The following SCN10A variants were observed in gnomAD, a reference collection of about 807,000 sequenced individuals.
The protein encoded by SCN10A is sodium voltage-gated channel alpha subunit 10.
Under a neutral mutation model 170.7 loss-of-function variants are expected in SCN10A, and 162 were observed. The ratio of observed to expected loss-of-function variants is 0.95; its 90% CI spans 0.84 to 1.08. SCN10A has a LOEUF of 1.08. Ranked by LOEUF, SCN10A falls within the 50% of genes least tolerant of loss-of-function variation. The pLI is 0.00. For synonymous variants in SCN10A, 985 were observed against 904.6 expected, an observed-to-expected ratio of 1.09 and a Z score of -1.59; for missense variants, 2,527 against 2,436.9, an observed-to-expected ratio of 1.04 and a Z score of -0.78.
At chr3:38,727,086 A>T in intron 16 of SCN10A, 34 bp from the exon 17 acceptor site, 1 of 1,574,694 alleles carries the variant, frequency 6.4e-7, no homozygotes, top group Non-Finnish European at 8.7e-7. Flanking sequence ...AGATTGATCA[A>T]TCTCTAAGCT....
intron 3 of SCN10A, among the ~76,000 whole-genome samples, chr3:38,791,526 A>G (rs1338185587): frequency 6.6e-6 from 1 of 152,180 alleles, no homozygotes; most frequent in Non-Finnish European, 1.5e-5. Context: ...ATGAGGTCCC[A>G]TTGAGACTAT....
At chr3:38,769,356 A>G (rs571374544) in intron 5 of SCN10A, among the ~76,000 whole-genome samples, 2 of 148,720 alleles carry the variant, frequency 1.3e-5, no homozygotes, top group African/African-American at 5.0e-5. Flanking sequence ...CTCCTGCCTC[A>G]GTCTCCTGAG....
chr3:38,714,009 G>T lies in SCN10A; in HGVS notation c.3753C>A (p.Thr1251=), dbSNP rs144350950. ...CCCGCAGTGGCCGCAGAGCGCGAAG[G>T]GTTCGAAGGGCTTTGATGGGAGCCA... is the stretch of plus-strand genomic sequence containing the variant. ...SEVAPIKALR[T]LRALRPLRAL... The change falls in exon 22 of 28, where the codon ACC becomes ACA. Residue 1251 remains threonine, a synonymous_variant. Transcript: ENST00000449082. 232 of 1,614,014 alleles carry T rather than the reference G, an allele frequency of 1.4e-4. No individual in the cohort carries two copies. Among genetic ancestry groups the T allele is most frequent in the Non-Finnish European group, 1.7e-4 (203 of 1,180,058 alleles).
At chr3:38,769,876 C>T (rs537379654) in intron 5 of SCN10A, among the ~76,000 whole-genome samples, 72 of 152,242 alleles carry the variant, frequency 4.7e-4, no homozygotes, top group African/African-American at 1.6e-3. Context: ...TGGGGTAGTA[C>T]TGGGAAATGC....
At chr3:38,781,160 G>T (rs2064134264) in intron 4 of SCN10A, among the ~76,000 whole-genome samples, 1 of 152,050 alleles carries the variant, frequency 6.6e-6, no homozygotes, top group Non-Finnish European at 1.5e-5. Flanking sequence ...ATCAGATTGT[G>T]ATGTGCGATA....
At chr3:38,711,000 G>A (rs1166482884) in intron 23 of SCN10A, 103 bp from the exon 24 acceptor site, 5 of 921,322 alleles carry the variant, frequency 5.4e-6, no homozygotes, top group Non-Finnish European at 6.8e-6. Context: ...GTCCTGTGTT[G>A]GAAAGGGCTT....
chr3:38,701,583 TG>T (rs1319718041), intron 27 of SCN10A, among the ~76,000 whole-genome samples: 2 of 152,214 alleles, frequency 1.3e-5, no homozygotes, highest in Non-Finnish European at 2.9e-5. Flanking sequence ...GTTCTAGCCA[TG>T]GGCTGTGCAC....
chr3:38,772,182 T>C (rs1291854773), intron 4 of SCN10A, among the ~76,000 whole-genome samples: 1 of 152,150 alleles, frequency 6.6e-6, no homozygotes, highest in African/African-American at 2.4e-5. Flanking sequence ...TATTCACTTC[T>C]GCTCCTCGTT....
At chr3:38,785,331 A>G (rs2064186292) in intron 4 of SCN10A, among the ~76,000 whole-genome samples, 2 of 152,204 alleles carry the variant, frequency 1.3e-5, no homozygotes, top group Non-Finnish European at 1.5e-5. Context: ...AACACCGCAT[A>G]TCTACAACCA....
intron 13 of SCN10A, among the ~76,000 whole-genome samples, chr3:38,748,836 TTACTC>T (rs2063719033): frequency 1.3e-5 from 2 of 152,220 alleles, no homozygotes; most frequent in Non-Finnish European, 2.9e-5. Context: ...CCTGCCTTTC[TTACTC>T]TACTCTCACA....
intron 1 of SCN10A, among the ~76,000 whole-genome samples, chr3:38,795,051 G>A (rs907069458): frequency 2.6e-5 from 4 of 151,830 alleles, no homozygotes; most frequent in African/African-American, 9.7e-5. Context: ...CTCCTTGTCT[G>A]CCAGCTCTTT....
At chr3:38,809,857 G>A (rs925252268) in intron 1 of SCN10A, among the ~76,000 whole-genome samples, 1 of 152,188 alleles carries the variant, frequency 6.6e-6, no homozygotes, top group Non-Finnish European at 1.5e-5. Context: ...TCCAACCATG[G>A]AATTTTAAGT....
rs775297492 is a variant in SCN10A, at chr3:38,794,047, T to A, written c.-32-5A>T. The stretch of plus-strand genomic sequence containing the variant: ...TCTTCAGGAAGTATTTATACTCTTA[T>A]AAGAGTGGACATAACCACAGAGAGG... On this transcript the variant is annotated splice_polypyrimidine_tract_variant and splice_region_variant and intron_variant, in intron 1 of 27. Coordinates refer to ENST00000449082, the MANE Select transcript of SCN10A (RefSeq NM_006514.4). The A allele has an allele frequency of 3.0e-5, 48 of 1,598,054 alleles. 1 individual carries two copies. The South Asian group carries it at 5.1e-4, about 17-fold the overall frequency.
At chr3:38,704,979 G>C (rs1214380801) in intron 26 of SCN10A, among the ~76,000 whole-genome samples, 1 of 152,216 alleles carries the variant, frequency 6.6e-6, no homozygotes, top group African/African-American at 2.4e-5. Context: ...TTTCTTTCTT[G>C]GTTCTAGACT....
chr3:38,748,951 C>A (rs190555109), intron 13 of SCN10A, among the ~76,000 whole-genome samples: 2 of 152,126 alleles, frequency 1.3e-5, no homozygotes, highest in African/African-American at 4.8e-5. Context: ...GTAGCATCAC[C>A]CCCCAGATAT....
chr3:38,710,984 G>A, intron 23 of SCN10A, 87 bp from the exon 24 acceptor site: 2 of 1,136,088 alleles, frequency 1.8e-6, no homozygotes, highest in East Asian at 2.5e-5. Context: ...AGTGAGAGAG[G>A]AGAGAGTCCT....
intron 4 of SCN10A, among the ~76,000 whole-genome samples, chr3:38,777,572 G>T (rs1399601588): frequency 3.9e-5 from 6 of 152,050 alleles, no homozygotes; most frequent in Admixed American, 6.6e-5. Flanking sequence ...CCACAGAGTT[G>T]TAAGAAAAGA....
At position 38,726,998 on chromosome 3, in the gene SCN10A, T is replaced by C. The variant is rs566823128; in HGVS notation, c.2695A>G (p.Thr899Ala). 6.2e-7 allele frequency: 1 copy of C among 1,614,090 alleles called. No individual in the cohort carries two copies. The highest frequency in any genetic ancestry group is 1.1e-5 in the South Asian group (1 of 91,082). The change falls in exon 17 of 28, where the codon ACA becomes GCA. Residue 899 changes from threonine (T) to alanine (A), a missense_variant. Physicochemically the swap from Thr to Ala is moderately conservative, Grantham distance 58 (BLOSUM62 0). Transcript: ENST00000449082. Reference protein sequence around the residue: ...LLNSFSADNLTAPEDDGEVNN... With the variant: ...LLNSFSADNLAAPEDDGEVNN... ...ACCTCCCCATCGTCCTCCGGGGCTG[T>C]GAGGTTGTCAGCACTGAAAGAGTTC...
intron 3 of SCN10A, among the ~76,000 whole-genome samples, chr3:38,791,716 A>G (rs960861069): frequency 3.9e-5 from 6 of 152,182 alleles, no homozygotes; most frequent in Non-Finnish European, 4.4e-5. Context: ...AAAGCGGACC[A>G]CACACCGTGG....
Sources: gnomAD v4.1 joint callset for allele counts (sites outside exome capture counted in the v4.1 genomes callset) on GRCh38, gnomAD v4.1.1 for gene constraint, MANE v1.5 for transcripts, NCBI Gene and HGNC (gene_info 2026-07-23, HGNC 2026-07-21) for gene names.